UPF2: variants seen among roughly 807,000 people sequenced by gnomAD.
UPF2 encodes the protein UPF2 regulator of nonsense mediated mRNA decay.
A neutral mutation model predicts 141.4 loss-of-function variants in UPF2; 17 were observed. The observed-to-expected ratio is 0.12, with a 90% CI of 0.08 to 0.18. UPF2 has a LOEUF of 0.18. Ranked by LOEUF, UPF2 falls within the 10% of genes least tolerant of loss-of-function variation. The pLI, the probability that UPF2 is intolerant of heterozygous loss-of-function variation, is 1.00. For synonymous variants in UPF2, 540 were observed against 498.0 expected (o/e 1.08, Z -1.12); for missense variants, 1,152 against 1,515.9 (o/e 0.76, Z 3.99).
In UPF2 at chr10:11,924,577, C is replaced by CAAA. The variant is rs57209815; in HGVS notation, c.3810-3273_3810-3271dup. ...TGGGTAACAGAGCAACATGTCGTCT[C>CAAA]AAAAAAAAAAATCTTTTTTTTAAAC... is the stretch of plus-strand genomic sequence containing the variant. On this transcript the variant is annotated intron_variant, in intron 21 of 21. Coordinates refer to ENST00000357604, the MANE Select transcript of UPF2 (RefSeq NM_015542.4). Among the ~76,000 whole-genome samples, 239 of 149,434 alleles carry CAAA rather than the reference C, an allele frequency of 1.6e-3. 1 individual carries two copies. The highest frequency in any genetic ancestry group is 5.5e-3 in the African/African-American group (222 of 40,704).
At chr10:11,963,883 C>A in intron 11 of UPF2, 126 bp downstream of exon 11, 1 of 664,334 alleles carries the variant, frequency 1.5e-6, no homozygotes. Context: ...GGATGTTCCA[C>A]TTTAAGTAGA....
intron 11 of UPF2, among the ~76,000 whole-genome samples, chr10:11,962,835 T>G (rs1439875786): frequency 6.6e-6 from 1 of 152,216 alleles, no homozygotes; most frequent in East Asian, 1.9e-4. Context: ...GTTTCTCTTC[T>G]CTGCCTTTAA....
At chr10:12,037,670 G>A (rs1834656603) in intron 1 of UPF2, among the ~76,000 whole-genome samples, 1 of 151,936 alleles carries the variant, frequency 6.6e-6, no homozygotes, top group Non-Finnish European at 1.5e-5. Context: ...AGGATTACAA[G>A]CATGAGCCAC....
chr10:11,985,409 T>C (rs1237310799), intron 8 of UPF2, among the ~76,000 whole-genome samples: 2 of 151,990 alleles, frequency 1.3e-5, no homozygotes, highest in Non-Finnish European at 2.9e-5. Flanking sequence ...AGGCAGAGGC[T>C]GGCGGATCAC....
rs1402840791 is a variant in UPF2, at chr10:11,936,682, G to T, written c.3409C>A (p.Gln1137Lys). ...TGCAAAGGAATGGCAACATCTAGTTGGTGCACTTTAACAGATTCACCACTT... is the reference window on the plus strand; with the variant it reads ...TGCAAAGGAATGGCAACATCTAGTTTGTGCACTTTAACAGATTCACCACTT... ...QRSGESVKVH[Q>K]LDVAIPLHLK... Residue 1137 changes from glutamine (Q) to lysine (K), a missense_variant, in exon 19 of 22, where the codon CAA becomes AAA. Transcript: ENST00000357604. This position sits in a 1 kb window ranked among gnomAD's most constrained non-coding sequence, Gnocchi z 6.6. 6.2e-7 allele frequency: 1 copy of T among 1,609,328 alleles called. No homozygotes were observed. The highest frequency in any genetic ancestry group is 2.2e-5 in the East Asian group (1 of 44,668).
intron 4 of UPF2, among the ~76,000 whole-genome samples, chr10:12,013,795 T>C (rs923668333): frequency 6.6e-6 from 1 of 152,202 alleles, no homozygotes; most frequent in Non-Finnish European, 1.5e-5. Flanking sequence ...AGATGGGGTC[T>C]CACTATGTTG....
intron 3 of UPF2, among the ~76,000 whole-genome samples, chr10:12,025,784 G>C (rs1306998196): frequency 6.6e-6 from 1 of 152,076 alleles, no homozygotes; most frequent in Admixed American, 6.6e-5. Context: ...AATGTGACCA[G>C]AAGATAAGCA....
chr10:12,038,360 A>G (rs1386094444), intron 1 of UPF2, among the ~76,000 whole-genome samples: 1 of 147,546 alleles, frequency 6.8e-6, no homozygotes, highest in Admixed American at 7.0e-5. Flanking sequence ...AGCATGGGCG[A>G]CAGAGTGAGA....
At chr10:11,928,299 T>C (rs1832737239) in intron 21 of UPF2, among the ~76,000 whole-genome samples, 1 of 151,932 alleles carries the variant, frequency 6.6e-6, no homozygotes. Context: ...ATCACGCTGC[T>C]GCACTCCAGC....
intron 18 of UPF2, among the ~76,000 whole-genome samples, chr10:11,938,515 C>T (rs750148882): frequency 6.6e-6 from 1 of 152,120 alleles, no homozygotes; most frequent in Non-Finnish European, 1.5e-5. Context: ...AACAAAACCA[C>T]ACTGGATATT....
At position 12,004,538 on chromosome 10, in the gene UPF2, T is replaced by C; in HGVS notation, c.1496A>G (p.Asp499Gly). ...SCQNKESNKD[D>G]TKEAKESKEN... ...TTTTCTCTAGAATTTACCTTTGGTA[T>C]CATCTTTGTTGGACTCTTTATTCTG... The change falls in exon 5 of 22, where the codon GAT (aspartate) becomes GGT (glycine). Residue 499 changes from aspartate to glycine, a missense_variant. Asp to Gly is a moderately conservative substitution (Grantham distance 94). Coordinates refer to ENST00000357604, the MANE Select transcript of UPF2 (RefSeq NM_015542.4). 1 of 1,610,042 alleles carries C rather than the reference T, an allele frequency of 6.2e-7. No individual in the cohort carries two copies. The highest frequency in any genetic ancestry group is 8.5e-7 in the Non-Finnish European group (1 of 1,178,606).
At chr10:11,982,401 C>G (rs1413938894) in intron 8 of UPF2, among the ~76,000 whole-genome samples, 1 of 152,144 alleles carries the variant, frequency 6.6e-6, no homozygotes, top group Non-Finnish European at 1.5e-5. Flanking sequence ...CCCTCTTCTC[C>G]CATACCTCCC....
chr10:11,936,357 G>A lies in UPF2; in HGVS notation c.3546+188C>T, dbSNP rs1004726599. 8.6e-5 allele frequency among the ~76,000 whole-genome samples: 13 copies of A among 151,194 alleles called. No individual in the cohort carries two copies. The highest frequency in any genetic ancestry group is 3.3e-4 in the Admixed American group (5 of 15,190). The stretch of plus-strand genomic sequence containing the variant: ...TCCAGCCTGGGCGACAAAGTGAGAC[G>A]CCGTCTCAAAAAAAACAAAAACAAA... On this transcript the variant is annotated intron_variant, in intron 19 of 21. Coordinates refer to ENST00000357604, the MANE Select transcript of UPF2 (RefSeq NM_015542.4). The surrounding 1 kb of genome is among the most constrained non-coding windows in gnomAD (Gnocchi z 6.6).
At chr10:11,996,494 C>T (rs868819587) in intron 8 of UPF2, among the ~76,000 whole-genome samples, 4 of 152,068 alleles carry the variant, frequency 2.6e-5, no homozygotes, top group South Asian at 2.1e-4. Context: ...TATGGGCATG[C>T]GCCACCACAC....
Position 11,931,411 on chromosome 10 carries a change from T to G in UPF2, c.3688+230A>C, listed in dbSNP as rs938826776. ...AGCAATTAAAAATTGATTATCACCTTGCTTGCAAACGTAGCTTAGCAGTTT... is the reference window on the plus strand; with the variant it reads ...AGCAATTAAAAATTGATTATCACCTGGCTTGCAAACGTAGCTTAGCAGTTT... On this transcript the variant is annotated intron_variant, in intron 20 of 21. Coordinates refer to ENST00000357604, the MANE Select transcript of UPF2 (RefSeq NM_015542.4). The surrounding 1 kb of genome is among the most constrained non-coding windows in gnomAD (Gnocchi z 5.9). 6.6e-6 allele frequency among the ~76,000 whole-genome samples: 1 copy of G among 152,226 alleles called. No individual in the cohort carries two copies. Among genetic ancestry groups the G allele is most frequent in the Non-Finnish European group, 1.5e-5 (1 of 68,054 alleles).
chr10:11,970,971 T>C (rs915197873), intron 9 of UPF2, among the ~76,000 whole-genome samples: 2 of 152,076 alleles, frequency 1.3e-5, no homozygotes, highest in African/African-American at 2.4e-5. Context: ...ATCACACCAT[T>C]TTAAGCATTA....
intron 3 of UPF2, among the ~76,000 whole-genome samples, chr10:12,021,324 T>C (rs982412439): frequency 1.4e-5 from 2 of 146,842 alleles, no homozygotes; most frequent in African/African-American, 2.5e-5. Context: ...GAGCCCAAGA[T>C]ATCAAGACCA....
At chr10:12,039,872 G>C (rs1834704746) in intron 1 of UPF2, among the ~76,000 whole-genome samples, 1 of 152,044 alleles carries the variant, frequency 6.6e-6, no homozygotes, top group Admixed American at 6.6e-5. Flanking sequence ...TGCCTGCCTT[G>C]GCCTCCCAAA....
At chr10:11,994,714 C>T (rs373080541) in intron 8 of UPF2, among the ~76,000 whole-genome samples, 2 of 151,942 alleles carry the variant, frequency 1.3e-5, no homozygotes, top group Non-Finnish European at 2.9e-5. Flanking sequence ...TGATAGTTTC[C>T]GCCTGTAATC....
Sources: allele counts gnomAD v4.1 joint callset (sites outside exome capture counted in the v4.1 genomes callset), GRCh38; gene constraint gnomAD v4.1.1; non-coding constraint Gnocchi (gnomAD v3.1); transcripts MANE v1.5; gene names NCBI Gene and HGNC (gene_info 2026-07-23, HGNC 2026-07-21).